SOCS5: variants seen among roughly 807,000 people sequenced by gnomAD.
SOCS5 encodes CIS-6.
In SOCS5, 32 loss-of-function variants were observed where a neutral mutation model predicts 42.8. The ratio of observed to expected loss-of-function variants is 0.75; its 90% CI spans 0.56 to 1.01. The LOEUF (loss-of-function observed/expected upper bound fraction) is 1.01. SOCS5 is among the 50% of genes least tolerant of loss of function. SOCS5 has a pLI of 0.00. For synonymous variants in SOCS5, 283 were observed against 229.6 expected, an observed-to-expected ratio of 1.23 and a Z score of -2.10; for missense variants, 627 against 653.0, an observed-to-expected ratio of 0.96 and a Z score of 0.43.
At chr2:46,733,823 C>T (rs1032399474) in intron 1 of SOCS5, among the ~76,000 whole-genome samples, 2 of 152,122 alleles carry the variant, frequency 1.3e-5, no homozygotes, top group African/African-American at 2.4e-5. Flanking sequence ...TGAGAAAACT[C>T]ATAATCTGGT....
chr2:46,759,634 C>T lies in SOCS5; in HGVS notation c.1104C>T (p.Cys368=). 1.2e-6 allele frequency: 2 copies of T among 1,614,030 alleles called. No individual in the cohort carries two copies. The highest frequency in any genetic ancestry group is 8.5e-7 in the Non-Finnish European group (1 of 1,179,904). Residue 368 remains cysteine, a synonymous_variant, in exon 2 of 2, where the codon TGC becomes TGT. Transcript: ENST00000394861. ...ACACACAGATTGATTACATACACTG[C>T]CTCGTGCCTGATTTGCTTCAAATTA... ...KVHTQIDYIH[C]LVPDLLQITG...
intron 1 of SOCS5, among the ~76,000 whole-genome samples, chr2:46,714,705 C>G (rs1244967894): frequency 6.6e-6 from 1 of 152,192 alleles, no homozygotes; most frequent in Non-Finnish European, 1.5e-5. Context: ...GCCCCCATGC[C>G]AACCAGTGGT....
intron 1 of SOCS5, among the ~76,000 whole-genome samples, chr2:46,752,897 C>G (rs940403226): frequency 6.6e-6 from 1 of 152,174 alleles, no homozygotes; most frequent in African/African-American, 2.4e-5. Context: ...CCACTCTCTC[C>G]TCATTTCCCA....
chr2:46,716,732 T>C (rs561241895), intron 1 of SOCS5, among the ~76,000 whole-genome samples: 14 of 152,276 alleles, frequency 9.2e-5, no homozygotes, highest in Admixed American at 7.2e-4. Flanking sequence ...TGCCCCAGCC[T>C]CCCCAAATGC....
chr2:46,735,193 T>TA (rs553435448), intron 1 of SOCS5, among the ~76,000 whole-genome samples: 73 of 152,322 alleles, frequency 4.8e-4, no homozygotes, highest in African/African-American at 1.6e-3. Flanking sequence ...AGTGTAGGGC[T>TA]AAAATGACAG....
chr2:46,759,286 A>C lies in SOCS5; in HGVS notation c.756A>C (p.Pro252=). The C allele has an allele frequency of 1.2e-6, 2 of 1,614,046 alleles. No homozygotes were observed. Among genetic ancestry groups the C allele is most frequent in the Non-Finnish European group, 8.5e-7 (1 of 1,179,882 alleles). ...CAACATTTTTTGATACATTTGATCCATCTTTGGTTTCTACAGAAGATGAAG... is the reference window on the plus strand; with the variant it reads ...CAACATTTTTTGATACATTTGATCCCTCTTTGGTTTCTACAGAAGATGAAG... ...PHSTFFDTFD[P]SLVSTEDEED... Residue 252 remains proline (P), a synonymous_variant, in exon 2 of 2, where the codon CCA becomes CCC. Coordinates refer to ENST00000394861, the MANE Select transcript of SOCS5 (RefSeq NM_144949.3).
intron 1 of SOCS5, among the ~76,000 whole-genome samples, chr2:46,701,247 T>G (rs924287585): frequency 6.6e-6 from 1 of 152,190 alleles, no homozygotes; most frequent in Non-Finnish European, 1.5e-5. Context: ...ATCACCTTTG[T>G]TTAGATTGGG....
rs1407162837 is a variant in SOCS5 at position 46,761,817 on chromosome 2, CTG to C, written c.*1678_*1679del. On this transcript the variant is annotated 3_prime_UTR_variant, in exon 2 of 2. Coordinates refer to ENST00000394861, the MANE Select transcript of SOCS5 (RefSeq NM_144949.3). ...AATTATATATACTGTGGAACAGTAT[CTG>C]TAGTTACTGCAAATTACTGTACAGT... The C allele has an allele frequency of 6.0e-6, 1 of 166,628 alleles. No homozygotes were observed. The highest frequency in any genetic ancestry group is 2.4e-5 in the African/African-American group (1 of 41,432). The allele number at this position is 166,628 out of a possible 1,614,324, so 10.3% of individuals were successfully genotyped here. A position where few individuals can be genotyped will look rare whatever the true frequency, so the allele number is the denominator to read the frequency against.
At position 46,707,010 on chromosome 2, in the gene SOCS5, TAC is replaced by T. The variant is rs555807213; in HGVS notation, c.-13+7563_-13+7564del. 7.7e-4 allele frequency among the ~76,000 whole-genome samples: 117 copies of T among 152,272 alleles called. 1 individual carries two copies. The East Asian group carries it at 0.021, about 28-fold the overall frequency. On this transcript the variant is annotated intron_variant, in intron 1 of 1. Coordinates refer to ENST00000394861, the MANE Select transcript of SOCS5 (RefSeq NM_144949.3). Reference sequence around the variant, plus strand: ...ATGCTTTAAAAATTTTTAAATGCTGTACAAATGAGGATGGAGGAATACTGATG... The same window carrying T: ...ATGCTTTAAAAATTTTTAAATGCTGTAAATGAGGATGGAGGAATACTGATG...
chr2:46,724,083 A>C (rs1333716596), intron 1 of SOCS5, among the ~76,000 whole-genome samples: 2 of 151,942 alleles, frequency 1.3e-5, no homozygotes, highest in Non-Finnish European at 2.9e-5. Flanking sequence ...AATATGATTG[A>C]CTTTTGTGTG....
chr2:46,727,436 A>C (rs1415750139), intron 1 of SOCS5, among the ~76,000 whole-genome samples: 1 of 152,100 alleles, frequency 6.6e-6, no homozygotes. Flanking sequence ...GGGCATCTTC[A>C]ATATTACATT....
intron 1 of SOCS5, among the ~76,000 whole-genome samples, chr2:46,756,857 C>T (rs550702925): frequency 1.7e-4 from 26 of 152,106 alleles, no homozygotes; most frequent in Non-Finnish European, 3.1e-4. Flanking sequence ...TAACAAGGCA[C>T]GTGAAGTTCA....
chr2:46,747,990 C>T (rs1401194122), intron 1 of SOCS5, among the ~76,000 whole-genome samples: 1 of 152,098 alleles, frequency 6.6e-6, no homozygotes, highest in South Asian at 2.1e-4. Context: ...ATGTTACATG[C>T]TAATTGGTAA....
rs6757394 is a variant in SOCS5 at position 46,711,365 on chromosome 2, C to A, written c.-13+11916C>A. ...TCACTGTGGTTTGAATTTGCATTTT[C>A]CTTGTGAGTATCGATGTCATGCATT... On this transcript the variant is annotated intron_variant, in intron 1 of 1. Coordinates refer to ENST00000394861, the MANE Select transcript of SOCS5 (RefSeq NM_144949.3). Among the ~76,000 whole-genome samples, 894 of 152,198 alleles carry A rather than the reference C, an allele frequency of 5.9e-3. 12 individuals are homozygous for A. The highest frequency in any genetic ancestry group is 0.021 in the African/African-American group (860 of 41,534).
At chr2:46,736,489 T>C (rs952633722) in intron 1 of SOCS5, among the ~76,000 whole-genome samples, 1 of 152,126 alleles carries the variant, frequency 6.6e-6, no homozygotes, top group African/African-American at 2.4e-5. Flanking sequence ...CATTTCCTCC[T>C]CTCCGCAGCC....
chr2:46,746,394 G>A (rs1053940546), intron 1 of SOCS5, among the ~76,000 whole-genome samples: 3 of 152,152 alleles, frequency 2.0e-5, no homozygotes, highest in Non-Finnish European at 2.9e-5. Context: ...GCTCACGCCT[G>A]TAATCCCAGC....
chr2:46,758,668 C>T lies in SOCS5; in HGVS notation c.138C>T (p.Ser46=). The change falls in exon 2 of 2, where the codon AGC becomes AGT. Residue 46 remains serine, a synonymous_variant. Coordinates refer to ENST00000394861, the MANE Select transcript of SOCS5 (RefSeq NM_144949.3). ...TGTCTGTCAAAGAGAAAAACATCAG[C>T]ATAGGAGACTCAACTCCTCAGCAAC... ...RCLSVKEKNI[S]IGDSTPQQQS... 1 of 1,614,172 alleles carries T rather than the reference C, an allele frequency of 6.2e-7. No individual in the cohort carries two copies. The highest frequency in any genetic ancestry group is 8.5e-7 in the Non-Finnish European group (1 of 1,180,002).
At chr2:46,750,047 A>G (rs1169945400) in intron 1 of SOCS5, among the ~76,000 whole-genome samples, 1 of 152,240 alleles carries the variant, frequency 6.6e-6, no homozygotes, top group African/African-American at 2.4e-5. Flanking sequence ...GGTAGATATT[A>G]TCGTCATTGT....
At chr2:46,737,307 G>A (rs1673275904) in intron 1 of SOCS5, among the ~76,000 whole-genome samples, 1 of 152,166 alleles carries the variant, frequency 6.6e-6, no homozygotes, top group African/African-American at 2.4e-5. Context: ...TTGAACTATG[G>A]AGATTTTATC....
Sources: gnomAD v4.1 joint callset for allele counts (sites outside exome capture counted in the v4.1 genomes callset) on GRCh38, gnomAD v4.1.1 for gene constraint, MANE v1.5 for transcripts, NCBI Gene and HGNC (gene_info 2026-07-23, HGNC 2026-07-21) for gene names.